The following FNDC3B variants were observed in gnomAD, a reference collection of about 807,000 sequenced individuals.
FNDC3B encodes the protein fibronectin type III domain-containing protein 3B.
Under a neutral mutation model 151.5 loss-of-function variants are expected in FNDC3B, and 12 were observed. That is an observed-to-expected ratio of 0.08 (90% CI 0.05 to 0.13). The LOEUF (loss-of-function observed/expected upper bound fraction) is 0.13, where lower values mean the gene tolerates loss of function less well. FNDC3B is among the 10% of genes least tolerant of loss of function. The pLI is 1.00. For missense variants in FNDC3B, 1,214 were observed against 1,505.3 expected (o/e 0.81, Z 3.20); for synonymous variants, 528 against 549.0 (o/e 0.96, Z 0.54).
At chr3:172,283,588 T>C (rs1440604540) in intron 6 of FNDC3B, among the ~76,000 whole-genome samples, 1 of 152,172 alleles carries the variant, frequency 6.6e-6, no homozygotes, top group African/African-American at 2.4e-5. Context: ...AACAGTTACC[T>C]CCTTCAGCTG....
At chr3:172,225,498 G>A in intron 3 of FNDC3B, 1 of 222,234 alleles carries the variant, frequency 4.5e-6, no homozygotes. Flanking sequence ...AATTGTTTGT[G>A]GCTGGCCATA....
intron 24 of FNDC3B, among the ~76,000 whole-genome samples, chr3:172,379,547 C>T (rs1275201782): frequency 6.6e-6 from 1 of 152,244 alleles, no homozygotes; most frequent in Non-Finnish European, 1.5e-5. Context: ...CCCTGCCCTG[C>T]AGACTCTTTG....
chr3:172,169,205 C>A (rs540238073), intron 3 of FNDC3B, among the ~76,000 whole-genome samples: 1 of 152,262 alleles, frequency 6.6e-6, no homozygotes, highest in Admixed American at 6.5e-5. Context: ...GTGCTTTGAA[C>A]CCTTGGAGGA....
chr3:172,185,490 A>G (rs1258672095), intron 3 of FNDC3B, among the ~76,000 whole-genome samples: 4 of 152,210 alleles, frequency 2.6e-5, no homozygotes, highest in Non-Finnish European at 5.9e-5. Context: ...GGGAAGATAG[A>G]GACATTGAGT....
chr3:172,319,696 G>GT (rs1731985700), intron 11 of FNDC3B, among the ~76,000 whole-genome samples: 1 of 152,022 alleles, frequency 6.6e-6, no homozygotes, highest in Non-Finnish European at 1.5e-5. Context: ...CTCCCTCCCT[G>GT]TTAGGAGCCT....
chr3:172,053,776 C>CA (rs562005467), intron 1 of FNDC3B, among the ~76,000 whole-genome samples: 6,081 of 113,226 alleles, frequency 0.054, 250 homozygotes, highest in African/African-American at 0.14. Context: ...AACTCCGTCT[C>CA]AAAAAAAAAA....
At chr3:172,385,734 A>G (rs1351917162) in intron 25 of FNDC3B, among the ~76,000 whole-genome samples, 1 of 151,750 alleles carries the variant, frequency 6.6e-6, no homozygotes, top group Admixed American at 6.6e-5. Flanking sequence ...AATTTTTTGT[A>G]TTTTTAATAG....
Position 172,251,267 on chromosome 3 carries a change from A to C in FNDC3B, c.516A>C (p.Ile172=). 6.2e-7 allele frequency: 1 copy of C among 1,606,940 alleles called. No individual in the cohort carries two copies. Among genetic ancestry groups the C allele is most frequent in the African/African-American group, 1.3e-5 (1 of 74,630 alleles). Reference sequence around the variant, plus strand: ...CATAATCATCCATTTTAGAAATTATACCATTTTATGGAATGTCAACCTACA... The same window carrying C: ...CATAATCATCCATTTTAGAAATTATCCCATTTTATGGAATGTCAACCTACA... ...PHTIYGEQEI[I]PFYGMSTYIT... Residue 172 remains isoleucine, a synonymous_variant, in exon 6 of 26, where the codon ATA becomes ATC. Transcript: ENST00000415807.
chr3:172,244,617 C>CTTT lies in FNDC3B; in HGVS notation c.265-2893_265-2891dup, dbSNP rs11294678. On this transcript the variant is annotated intron_variant, in intron 4 of 25. Coordinates refer to ENST00000415807, the MANE Select transcript of FNDC3B (RefSeq NM_022763.4). ...TACTATTTCAGAATTAATATTTCACCTTTTTTTTTTTTTTTTTTTTTTTTT... is the reference window on the plus strand; with the variant it reads ...TACTATTTCAGAATTAATATTTCACCTTTTTTTTTTTTTTTTTTTTTTTTTTTT... Among the ~76,000 whole-genome samples, 448 of 73,096 alleles carry CTTT rather than the reference C, an allele frequency of 6.1e-3. 17 individuals are homozygous for CTTT. The highest frequency in any genetic ancestry group is 6.8e-3 in the African/African-American group (109 of 15,952). 48.0% of individuals were successfully genotyped at this position (73,096 alleles called of 152,430 possible).
chr3:172,322,755 A>G (rs1732153475), intron 11 of FNDC3B, among the ~76,000 whole-genome samples: 1 of 152,156 alleles, frequency 6.6e-6, no homozygotes, highest in African/African-American at 2.4e-5. Flanking sequence ...GCAAATGTGT[A>G]CCCAGAAATA....
At chr3:172,184,948 G>GA (rs1450531764) in intron 3 of FNDC3B, among the ~76,000 whole-genome samples, 1 of 151,812 alleles carries the variant, frequency 6.6e-6, no homozygotes, top group Non-Finnish European at 1.5e-5. Flanking sequence ...CAAAGGAAAA[G>GA]AAAAAAAGAC....
At chr3:172,047,164 C>A (rs1716407190) in intron 1 of FNDC3B, among the ~76,000 whole-genome samples, 3 of 152,110 alleles carry the variant, frequency 2.0e-5, no homozygotes, top group Admixed American at 6.5e-5. Flanking sequence ...TTATGAAAAG[C>A]TTTCTGTTGA....
chr3:172,277,436 C>T lies in FNDC3B; in HGVS notation c.791-8490C>T, dbSNP rs145944271. Among the ~76,000 whole-genome samples the T allele has an allele frequency of 2.4e-3, 368 of 152,214 alleles. 3 individuals are homozygous for T. Among genetic ancestry groups the T allele is most frequent in the African/African-American group, 8.5e-3 (351 of 41,530 alleles). On this transcript the variant is annotated intron_variant, in intron 6 of 25. Coordinates refer to ENST00000415807, the MANE Select transcript of FNDC3B (RefSeq NM_022763.4). Reference sequence around the variant, plus strand: ...TGTGGCTGAGAGAAGAAAGCGAGCTCTCTCAGTACCCTTATAAGGACATCA... The same window carrying T: ...TGTGGCTGAGAGAAGAAAGCGAGCTTTCTCAGTACCCTTATAAGGACATCA...
intron 6 of FNDC3B, among the ~76,000 whole-genome samples, chr3:172,285,599 T>C (rs1359684428): frequency 6.6e-6 from 1 of 152,212 alleles, no homozygotes; most frequent in Non-Finnish European, 1.5e-5. Flanking sequence ...CCAGGTACAT[T>C]GGTCCCTCCA....
At chr3:172,100,276 CT>C (rs1559965470) in intron 1 of FNDC3B, among the ~76,000 whole-genome samples, 1 of 152,160 alleles carries the variant, frequency 6.6e-6, no homozygotes, top group Non-Finnish European at 1.5e-5. Flanking sequence ...TAGCTGCTTA[CT>C]TTTTCTTAAC....
At chr3:172,314,654 G>A (rs1211370556) in intron 11 of FNDC3B, among the ~76,000 whole-genome samples, 1 of 152,132 alleles carries the variant, frequency 6.6e-6, no homozygotes, top group Non-Finnish European at 1.5e-5. Context: ...AAGAAGACAG[G>A]GCATCAAGCC....
At chr3:172,043,926 C>A (rs969745186) in intron 1 of FNDC3B, among the ~76,000 whole-genome samples, 4 of 152,074 alleles carry the variant, frequency 2.6e-5, no homozygotes, top group Non-Finnish European at 5.9e-5. Flanking sequence ...CTGAAAAAAA[C>A]GATCCTCTCA....
intron 3 of FNDC3B, among the ~76,000 whole-genome samples, chr3:172,216,736 A>C (rs1383031229): frequency 6.6e-6 from 1 of 152,212 alleles, no homozygotes; most frequent in Non-Finnish European, 1.5e-5. Flanking sequence ...TAGCCTAAGT[A>C]AATTATGTTT....
intron 7 of FNDC3B, among the ~76,000 whole-genome samples, chr3:172,293,768 G>T (rs1472646036): frequency 1.3e-5 from 2 of 152,202 alleles, no homozygotes; most frequent in African/African-American, 2.4e-5. Context: ...ATAGTACGAA[G>T]TGATCTCCAC....
Sources: gnomAD v4.1 joint callset for allele counts (sites outside exome capture counted in the v4.1 genomes callset) on GRCh38, gnomAD v4.1.1 for gene constraint, MANE v1.5 for transcripts, NCBI Gene and HGNC (gene_info 2026-07-23, HGNC 2026-07-21) for gene names.